CDK12: variants seen among roughly 807,000 people sequenced by gnomAD.
The protein encoded by CDK12 is cyclin-dependent kinase 12.
A neutral mutation model predicts 133.8 loss-of-function variants in CDK12; 17 were observed. The observed-to-expected ratio is 0.13, with a 90% CI of 0.09 to 0.19. The LOEUF is 0.19. Ranked by LOEUF, CDK12 falls within the 10% of genes least tolerant of loss-of-function variation. The probability of loss-of-function intolerance (pLI) is 1.00; values close to 1 mark genes in which losing one functional copy is unlikely to be tolerated. For synonymous variants in CDK12, 694 were observed against 683.6 expected, an observed-to-expected ratio of 1.02 and a Z score of -0.24; for missense variants, 1,508 against 1,818.7, an observed-to-expected ratio of 0.83 and a Z score of 3.11.
upstream of CDK12, among the ~76,000 whole-genome samples, chr17:39,544,625 CTTTT>C (rs71147355): frequency 1.6e-5 from 1 of 60,908 alleles, no homozygotes; most frequent in Non-Finnish European, 3.0e-5. Context: ...AACAGGCGAT[CTTTT>C]TTTTTTTTTT....
intron 2 of CDK12, among the ~76,000 whole-genome samples, chr17:39,486,953 A>G (rs967953615): frequency 6.6e-6 from 1 of 152,196 alleles, no homozygotes; most frequent in Non-Finnish European, 1.5e-5. Context: ...GGTTGCAGTG[A>G]GCCAAGATTG....
Position 39,533,970 on chromosome 17 carries a change from TTTG to T in CDK12, c.*2657_*2659del. On this transcript the variant is annotated 3_prime_UTR_variant, in exon 14 of 14. Coordinates refer to ENST00000447079, the MANE Select transcript of CDK12 (RefSeq NM_016507.4). ...AATTCCATTCAAAAGTGGTTTTCGT[TTTG>T]TTTTAATTATTGTACAATGAGAGAT... is the stretch of plus-strand genomic sequence containing the variant. 1 of 232,374 alleles carries T rather than the reference TTTG, an allele frequency of 4.3e-6. No individual in the cohort carries two copies. Among genetic ancestry groups the T allele is most frequent in the African/African-American group, 2.2e-5 (1 of 45,408 alleles). 14.4% of individuals were successfully genotyped at this position (232,374 alleles called of 1,614,324 possible). A position where few individuals can be genotyped will look rare whatever the true frequency, so the allele number is the denominator to read the frequency against.
At chr17:39,484,558 T>C (rs1285580478) in intron 2 of CDK12, among the ~76,000 whole-genome samples, 1 of 152,186 alleles carries the variant, frequency 6.6e-6, no homozygotes, top group Non-Finnish European at 1.5e-5. Flanking sequence ...TTTAGTACAT[T>C]GGAATTTACT....
At position 39,532,109 on chromosome 17, in the gene CDK12, TCTCTC is replaced by T. The variant is rs2054892326; in HGVS notation, c.*794_*798del. 4 of 40,320 alleles carry T rather than the reference TCTCTC, an allele frequency of 9.9e-5. No individual in the cohort carries two copies. The East Asian group carries it at 2.5e-3, about 25-fold the overall frequency. The allele number at this position is 40,320 out of a possible 1,614,324, so 2.5% of individuals were successfully genotyped here. On this transcript the variant is annotated 3_prime_UTR_variant, in exon 14 of 14. Coordinates refer to ENST00000447079, the MANE Select transcript of CDK12 (RefSeq NM_016507.4). Reference sequence around the variant, plus strand: ...TGTGCTCTCTCTCTCTCTTTCTCTCTCTCTCTCTCTCTCTCTCTCTCTCTCTCTCT... The same window carrying T: ...TGTGCTCTCTCTCTCTCTTTCTCTCTTCTCTCTCTCTCTCTCTCTCTCTCT...
chr17:39,522,079 C>G (rs369528680), intron 11 of CDK12, among the ~76,000 whole-genome samples: 1 of 151,990 alleles, frequency 6.6e-6, no homozygotes, highest in Non-Finnish European at 1.5e-5. Flanking sequence ...CTCACACTTG[C>G]AGAGATAGTC....
chr17:39,517,412 A>G (rs1465855790), intron 9 of CDK12, 28 bp from the exon 10 acceptor site: 3 of 1,313,666 alleles, frequency 2.3e-6, no homozygotes, highest in African/African-American at 2.9e-5. Flanking sequence ...CACTCACTCC[A>G]TTGTTCTTGC....
At chr17:39,507,815 A>G (rs1424602926) in intron 6 of CDK12, among the ~76,000 whole-genome samples, 4 of 152,220 alleles carry the variant, frequency 2.6e-5, no homozygotes, top group Non-Finnish European at 1.5e-5. Flanking sequence ...AATATAAGTT[A>G]ACTATTTCTT....
chr17:39,487,294 A>G (rs2051210747), intron 2 of CDK12, among the ~76,000 whole-genome samples: 1 of 152,232 alleles, frequency 6.6e-6, no homozygotes, highest in Non-Finnish European at 1.5e-5. Flanking sequence ...ATGTTCTTAT[A>G]TTTTGAGTAA....
intron 3 of CDK12, among the ~76,000 whole-genome samples, chr17:39,490,971 C>T (rs951329546): frequency 6.6e-6 from 1 of 152,102 alleles, no homozygotes; most frequent in African/African-American, 2.4e-5. Context: ...TCCAGATATA[C>T]TATGAATGTT....
chr17:39,493,671 A>G (rs1293638516), intron 4 of CDK12, among the ~76,000 whole-genome samples: 1 of 152,008 alleles, frequency 6.6e-6, no homozygotes, highest in Non-Finnish European at 1.5e-5. Flanking sequence ...GAGTAGATCA[A>G]AGGTTTCCAA....
At chr17:39,558,373 C>G (rs2056242530) in intron 3 of CDK12, among the ~76,000 whole-genome samples, 1 of 152,194 alleles carries the variant, frequency 6.6e-6, no homozygotes, top group African/African-American at 2.4e-5. Flanking sequence ...ATTTGCTAGG[C>G]ACTTTACAGT....
intron 3 of CDK12, among the ~76,000 whole-genome samples, chr17:39,491,362 G>A (rs530929002): frequency 3.3e-5 from 5 of 152,000 alleles, no homozygotes; most frequent in African/African-American, 1.2e-4. Context: ...TCAGCCTCCC[G>A]AGTAGCTGGG....
intron 5 of CDK12, among the ~76,000 whole-genome samples, chr17:39,500,468 A>G (rs1349061365): frequency 6.6e-6 from 1 of 151,378 alleles, no homozygotes; most frequent in Non-Finnish European, 1.5e-5. Context: ...TCTCGTCTCT[A>G]CTCAAAATAC....
chr17:39,546,690 T>A (rs1349337133), upstream of CDK12: 1 of 152,236 alleles, frequency 6.6e-6, no homozygotes, highest in Non-Finnish European at 1.5e-5. Flanking sequence ...CCTGCTTCCT[T>A]CATCCCCAAT....
chr17:39,502,319 A>T (rs1460197012), intron 6 of CDK12, among the ~76,000 whole-genome samples: 1 of 150,450 alleles, frequency 6.6e-6, no homozygotes, highest in African/African-American at 2.5e-5. Context: ...CGCCCAGCTA[A>T]TTTTTTTGTA....
At chr17:39,516,586 A>G (rs2053819459) in intron 9 of CDK12, among the ~76,000 whole-genome samples, 1 of 151,788 alleles carries the variant, frequency 6.6e-6, no homozygotes, top group Non-Finnish European at 1.5e-5. Flanking sequence ...TCCTGGGCTC[A>G]AACAGTCCTC....
chr17:39,537,560 T>C (rs2055192458), downstream of CDK12, among the ~76,000 whole-genome samples: 1 of 146,534 alleles, frequency 6.8e-6, no homozygotes, highest in African/African-American at 2.7e-5. Context: ...TTTATTTATT[T>C]ATTTATTTAT....
chr17:39,537,988 G>C (rs914591183), downstream of CDK12, among the ~76,000 whole-genome samples: 3 of 152,126 alleles, frequency 2.0e-5, no homozygotes, highest in Middle Eastern at 3.2e-3. Context: ...CCCCATTAAA[G>C]CACCAATACT....
At position 39,496,388 on chromosome 17, in the gene CDK12, G is replaced by A. The variant is rs1226588287; in HGVS notation, c.2419+1694G>A. On this transcript the variant is annotated intron_variant, in intron 5 of 13. Transcript: ENST00000447079. ...ACCAGTCCCTGTTGAGCAATTAGTT[G>A]CCAATTTTCAGTTTAAAAAAAAAAT... Among the ~76,000 whole-genome samples the A allele has an allele frequency of 3.3e-5, 5 of 151,996 alleles. No individual in the cohort carries two copies. In the South Asian group the frequency reaches 1.0e-3, roughly 32 times the overall value.
Sources: gnomAD v4.1 joint callset for allele counts (sites outside exome capture counted in the v4.1 genomes callset) on GRCh38, gnomAD v4.1.1 for gene constraint, MANE v1.5 for transcripts, NCBI Gene and HGNC (gene_info 2026-07-23, HGNC 2026-07-21) for gene names.